Variants in KCNIP4 observed in about 807,000 individuals in gnomAD.
KCNIP4 encodes potassium voltage-gated channel interacting protein 4, also known as Kv channel-interacting protein 4.
Under a neutral mutation model 34.0 loss-of-function variants are expected in KCNIP4, and 12 were observed. The ratio of observed to expected loss-of-function variants is 0.35; its 90% CI spans 0.23 to 0.57. The LOEUF (loss-of-function observed/expected upper bound fraction) is 0.57, where lower values mean the gene tolerates loss of function less well. Ranked by LOEUF, KCNIP4 falls within the 20% of genes least tolerant of loss-of-function variation. The probability of loss-of-function intolerance (pLI) is 0.83; values close to 1 mark genes in which losing one functional copy is unlikely to be tolerated. For synonymous variants in KCNIP4, 124 were observed against 102.2 expected (o/e 1.21, Z -1.29); for missense variants, 238 against 311.7 (o/e 0.76, Z 1.78).
Position 21,759,812 on chromosome 4 carries a change from A to G in KCNIP4, c.61+188759T>C, listed in dbSNP as rs181838182. ...TTGCCACCTGTCCTTGTAAACTGCT[A>G]TTAAATTCCTGTCTAAACATGGCTG... On this transcript the variant is annotated intron_variant, in intron 1 of 8. Coordinates refer to ENST00000382152, the MANE Select transcript of KCNIP4 (RefSeq NM_025221.6). 1.5e-3 allele frequency among the ~76,000 whole-genome samples: 222 copies of G among 152,176 alleles called. 1 individual carries two copies. The highest frequency in any genetic ancestry group is 5.0e-3 in the African/African-American group (208 of 41,534).
At chr4:21,783,675 T>C (rs1719717914) in intron 1 of KCNIP4, among the ~76,000 whole-genome samples, 1 of 152,192 alleles carries the variant, frequency 6.6e-6, no homozygotes, top group African/African-American at 2.4e-5. Flanking sequence ...AGTCAGTGTT[T>C]ATAGTCATAA....
intron 1 of KCNIP4, among the ~76,000 whole-genome samples, chr4:21,486,647 C>T (rs756891902): frequency 5.9e-5 from 9 of 151,940 alleles, no homozygotes; most frequent in Non-Finnish European, 7.4e-5. Context: ...ATCAACTATG[C>T]GATTTCTTTA....
chr4:21,876,038 C>A (rs1726089798), intron 1 of KCNIP4, among the ~76,000 whole-genome samples: 2 of 152,128 alleles, frequency 1.3e-5, no homozygotes, highest in South Asian at 4.2e-4. Flanking sequence ...TTTGTGAAGC[C>A]TATGGCCTTC....
intron 1 of KCNIP4, chr4:21,316,493 A>G (rs761685803): frequency 1.3e-5 from 2 of 152,230 alleles, no homozygotes; most frequent in Non-Finnish European, 2.9e-5. Flanking sequence ...TAAGCATTTC[A>G]GGTGTCCTGA....
intron 2 of KCNIP4, among the ~76,000 whole-genome samples, chr4:20,874,204 T>C (rs941789640): frequency 6.6e-6 from 1 of 152,222 alleles, no homozygotes; most frequent in Admixed American, 6.5e-5. Flanking sequence ...CCAGAAGGGA[T>C]AAGTAGCTTA....
chr4:21,684,481 C>T (rs560052777), intron 1 of KCNIP4, among the ~76,000 whole-genome samples: 57 of 152,118 alleles, frequency 3.7e-4, no homozygotes, highest in African/African-American at 1.0e-3. Flanking sequence ...TTAACATCTA[C>T]GCAAATCTGT....
At chr4:21,496,230 A>G (rs563672106) in intron 1 of KCNIP4, among the ~76,000 whole-genome samples, 9 of 152,312 alleles carry the variant, frequency 5.9e-5, no homozygotes, top group Admixed American at 3.9e-4. Flanking sequence ...AATTAGAGAA[A>G]GAAAGAAGAG....
chr4:21,832,700 A>G (rs1723066330), intron 1 of KCNIP4, among the ~76,000 whole-genome samples: 1 of 144,550 alleles, frequency 6.9e-6, no homozygotes, highest in African/African-American at 2.6e-5. Context: ...CTAACTCGTC[A>G]TCTAGCATTA....
At position 20,730,227 on chromosome 4, in the gene KCNIP4, CAACCACCTA is replaced by C. The variant is rs1202655450; in HGVS notation, c.706-107_706-99del. 5 of 1,401,046 alleles carry C rather than the reference CAACCACCTA, an allele frequency of 3.6e-6. No homozygotes were observed. The African/African-American group carries it at 4.4e-5, about 12-fold the overall frequency. 86.8% of individuals were successfully genotyped at this position (1,401,046 alleles called of 1,614,324 possible). On this transcript the variant is annotated intron_variant, in intron 8 of 8. Coordinates refer to ENST00000382152, the MANE Select transcript of KCNIP4 (RefSeq NM_025221.6). Reference sequence around the variant, plus strand: ...TATTGCCTCCTCCCATCAACCACCTCAACCACCTATGCCAAAAGCTCAAATATTAAGTGT... The same window carrying C: ...TATTGCCTCCTCCCATCAACCACCTCTGCCAAAAGCTCAAATATTAAGTGT...
chr4:21,410,864 A>G (rs149483253), intron 1 of KCNIP4, among the ~76,000 whole-genome samples: 120 of 152,204 alleles, frequency 7.9e-4, no homozygotes, highest in Non-Finnish European at 2.9e-4. Context: ...TGAAGTGGCA[A>G]ATGTTGGGAT....
intron 1 of KCNIP4, among the ~76,000 whole-genome samples, chr4:21,553,433 T>G (rs1228633494): frequency 6.6e-6 from 1 of 152,158 alleles, no homozygotes; most frequent in Non-Finnish European, 1.5e-5. Context: ...TTTTTTCTAC[T>G]ACTAATGCCA....
intron 3 of KCNIP4, among the ~76,000 whole-genome samples, chr4:20,786,042 T>C (rs1711940793): frequency 1.3e-5 from 2 of 152,188 alleles, no homozygotes; most frequent in South Asian, 4.2e-4. Context: ...AGACGTGGAA[T>C]CAACCTAGGT....
chr4:21,239,697 G>T (rs1294317865), intron 1 of KCNIP4, among the ~76,000 whole-genome samples: 2 of 152,152 alleles, frequency 1.3e-5, no homozygotes, highest in East Asian at 1.9e-4. Context: ...GTAGTTAGAA[G>T]GGCAATCATT....
intron 1 of KCNIP4, among the ~76,000 whole-genome samples, chr4:21,699,944 A>G (rs1328035946): frequency 6.6e-6 from 1 of 152,134 alleles, no homozygotes; most frequent in Non-Finnish European, 1.5e-5. Context: ...CATGGCCTGG[A>G]GTGGAAATAC....
At chr4:21,392,450 C>A (rs1722646610) in intron 1 of KCNIP4, among the ~76,000 whole-genome samples, 1 of 152,170 alleles carries the variant, frequency 6.6e-6, no homozygotes, top group African/African-American at 2.4e-5. Flanking sequence ...TTCAAGATGG[C>A]ACTTTAGGAG....
intron 1 of KCNIP4, among the ~76,000 whole-genome samples, chr4:20,988,928 C>T (rs1358798232): frequency 6.6e-6 from 1 of 152,200 alleles, no homozygotes; most frequent in Non-Finnish European, 1.5e-5. Flanking sequence ...AAAGTCGGCA[C>T]CAGTGGGATT....
At chr4:21,873,880 G>T (rs1033422868) in intron 1 of KCNIP4, among the ~76,000 whole-genome samples, 2 of 152,140 alleles carry the variant, frequency 1.3e-5, no homozygotes, top group Admixed American at 1.3e-4. Context: ...AGATTCCTTG[G>T]CCATTTGAGG....
chr4:20,772,331 A>G (rs1755970587), intron 3 of KCNIP4, among the ~76,000 whole-genome samples: 1 of 152,184 alleles, frequency 6.6e-6, no homozygotes, highest in South Asian at 2.1e-4. Context: ...CAAGCACTTG[A>G]CTACGCACAG....
Position 21,451,766 on chromosome 4 carries a change from C to T in KCNIP4, c.61+496805G>A, listed in dbSNP as rs373151676. Among the ~76,000 whole-genome samples, 28 of 152,166 alleles carry T rather than the reference C, an allele frequency of 1.8e-4. No homozygotes were observed. In the East Asian group the frequency reaches 3.5e-3, roughly 19 times the overall value. ...ACCTTAAGGTGGTGTCTGTAATTTT[C>T]GCTAAAGGACATGTGAGAAAATATT... On this transcript the variant is annotated intron_variant, in intron 1 of 8. Transcript: ENST00000382152.
Sources: gnomAD v4.1 joint callset for allele counts (sites outside exome capture counted in the v4.1 genomes callset) on GRCh38, gnomAD v4.1.1 for gene constraint, MANE v1.5 for transcripts, NCBI Gene and HGNC (gene_info 2026-07-23, HGNC 2026-07-21) for gene names.